CA10: variants seen among roughly 807,000 people sequenced by gnomAD.
The protein encoded by CA10 is carbonic anhydrase-related protein 10.
In CA10, 14 loss-of-function variants were observed where a neutral mutation model predicts 44.2. The ratio of observed to expected loss-of-function variants is 0.32; its 90% CI spans 0.21 to 0.50. The LOEUF is 0.50. Among genes scored for constraint, CA10 ranks in the 20% least tolerant of loss-of-function variants. The pLI is 0.99. For missense variants in CA10, 350 were observed against 409.7 expected, an observed-to-expected ratio of 0.85 and a Z score of 1.26; for synonymous variants, 159 against 141.6, an observed-to-expected ratio of 1.12 and a Z score of -0.87.
intron 3 of CA10, among the ~76,000 whole-genome samples, chr17:51,844,286 A>G (rs766076204): frequency 3.8e-4 from 58 of 152,298 alleles, no homozygotes; most frequent in Middle Eastern, 3.4e-3. Context: ...CCTTTTTGTG[A>G]TGTTGAGAAA....
At chr17:52,024,877 T>C (rs528123207) in intron 2 of CA10, among the ~76,000 whole-genome samples, 22 of 151,974 alleles carry the variant, frequency 1.4e-4, no homozygotes, top group African/African-American at 5.1e-4. Context: ...GTTTAAGATA[T>C]TGATGATTGT....
At chr17:51,808,272 G>A (rs1907211614) in intron 3 of CA10, among the ~76,000 whole-genome samples, 1 of 152,142 alleles carries the variant, frequency 6.6e-6, no homozygotes, top group Admixed American at 6.6e-5. Flanking sequence ...TGCAATAAAT[G>A]TTTATCTAAT....
At chr17:51,930,894 C>A in intron 3 of CA10, 96 bp downstream of exon 3, 1 of 1,429,294 alleles carries the variant, frequency 7.0e-7, no homozygotes, top group Non-Finnish European at 9.6e-7. Flanking sequence ...GGTGGGAGGA[C>A]AAACTCATCA....
At chr17:52,122,050 A>G (rs747913334) in intron 1 of CA10, among the ~76,000 whole-genome samples, 6 of 152,222 alleles carry the variant, frequency 3.9e-5, no homozygotes, top group Non-Finnish European at 7.3e-5. Flanking sequence ...CACCTCAATC[A>G]GAATTACCCA....
intron 3 of CA10, among the ~76,000 whole-genome samples, chr17:51,790,598 AC>A (rs774976272): frequency 6.6e-6 from 1 of 152,190 alleles, no homozygotes; most frequent in Non-Finnish European, 1.5e-5. Flanking sequence ...AGCTGTGAGT[AC>A]CTTGAGGGCA....
At chr17:52,049,524 T>A (rs1193554281) in intron 2 of CA10, among the ~76,000 whole-genome samples, 1 of 152,174 alleles carries the variant, frequency 6.6e-6, no homozygotes. Flanking sequence ...TAGTCCTATA[T>A]TAATGTGAGT....
At chr17:52,011,569 A>C (rs1053391440) in intron 2 of CA10, among the ~76,000 whole-genome samples, 1 of 152,080 alleles carries the variant, frequency 6.6e-6, no homozygotes, top group Non-Finnish European at 1.5e-5. Flanking sequence ...TGAGAAAAAA[A>C]ATCTACTTTG....
chr17:51,728,490 C>T (rs1319391398), intron 4 of CA10, among the ~76,000 whole-genome samples: 1 of 152,162 alleles, frequency 6.6e-6, no homozygotes, highest in African/African-American at 2.4e-5. Context: ...TTGCTTTTCA[C>T]GATCTTCACA....
At chr17:51,643,807 G>A (rs928004921) in intron 6 of CA10, among the ~76,000 whole-genome samples, 3 of 152,162 alleles carry the variant, frequency 2.0e-5, no homozygotes, top group Admixed American at 1.3e-4. Flanking sequence ...AGAAATACAC[G>A]TTCATTTTAC....
intron 3 of CA10, among the ~76,000 whole-genome samples, chr17:51,875,864 A>G (rs1428856669): frequency 1.8e-4 from 28 of 152,160 alleles, no homozygotes; most frequent in Admixed American, 1.8e-3. Flanking sequence ...GCTGATTGTT[A>G]TCTATTCCTA....
At chr17:52,002,792 G>A (rs755682012) in intron 2 of CA10, among the ~76,000 whole-genome samples, 36 of 151,888 alleles carry the variant, frequency 2.4e-4, no homozygotes, top group South Asian at 6.2e-4. Context: ...TATAAGCATC[G>A]CAAGAAGCCA....
At chr17:51,992,248 A>G (rs1461159380) in intron 2 of CA10, among the ~76,000 whole-genome samples, 1 of 152,098 alleles carries the variant, frequency 6.6e-6, no homozygotes, top group Admixed American at 6.6e-5. Flanking sequence ...TTAAAGGGTT[A>G]TGAGGCTTAA....
chr17:52,158,989 C>G (rs553207588), upstream of CA10, among the ~76,000 whole-genome samples: 2 of 152,146 alleles, frequency 1.3e-5, no homozygotes, highest in African/African-American at 2.4e-5. Context: ...GCCGCCGCCT[C>G]GGCCCCAGTC....
chr17:51,836,552 C>G (rs919124209), intron 3 of CA10, among the ~76,000 whole-genome samples: 1 of 152,160 alleles, frequency 6.6e-6, no homozygotes, highest in Admixed American at 6.5e-5. Context: ...GGTCTTTCCC[C>G]CACTCGCCTG....
At chr17:51,708,232 C>T (rs541409053) in intron 4 of CA10, among the ~76,000 whole-genome samples, 14 of 152,304 alleles carry the variant, frequency 9.2e-5, no homozygotes, top group African/African-American at 3.4e-4. Flanking sequence ...TCCACTGTGG[C>T]TTGGCACTGG....
chr17:51,918,085 T>G (rs193029637), intron 3 of CA10, among the ~76,000 whole-genome samples: 3 of 152,322 alleles, frequency 2.0e-5, no homozygotes, highest in Admixed American at 2.0e-4. Context: ...CTTATTCTAT[T>G]TGAATTTGAC....
At chr17:51,956,788 C>A (rs934324220) in intron 2 of CA10, among the ~76,000 whole-genome samples, 103 of 151,916 alleles carry the variant, frequency 6.8e-4, no homozygotes, top group African/African-American at 1.4e-3. Context: ...ATTCTTTAGA[C>A]CTACAAAAAA....
At chr17:51,661,262 A>T (rs1002658474) in intron 4 of CA10, among the ~76,000 whole-genome samples, 2 of 152,164 alleles carry the variant, frequency 1.3e-5, no homozygotes, top group Non-Finnish European at 2.9e-5. Context: ...GAAGCAATGC[A>T]GGCTGTCTAT....
chr17:51,670,361 G>A (rs1914371571), intron 4 of CA10, among the ~76,000 whole-genome samples: 1 of 152,182 alleles, frequency 6.6e-6, no homozygotes, highest in South Asian at 2.1e-4. Flanking sequence ...ACTGAAGTGG[G>A]GGAGGTGAAA....
Sources: gnomAD v4.1 joint callset for allele counts (sites outside exome capture counted in the v4.1 genomes callset) on GRCh38, gnomAD v4.1.1 for gene constraint, MANE v1.5 for transcripts, NCBI Gene and HGNC (gene_info 2026-07-23, HGNC 2026-07-21) for gene names.